CC2D1B: variants seen among roughly 807,000 people sequenced by gnomAD.
The protein encoded by CC2D1B is coiled-coil and C2 domain-containing protein 1B.
CC2D1B carries 92 observed loss-of-function variants against 110.8 expected under a neutral mutation model. The ratio of observed to expected loss-of-function variants is 0.83; its 90% confidence interval spans 0.70 to 0.99. The LOEUF (loss-of-function observed/expected upper bound fraction) is 0.99, where lower values mean the gene tolerates loss of function less well. CC2D1B is among the 50% of genes least tolerant of loss of function. The probability of loss-of-function intolerance (pLI) is 0.00; values close to 1 mark genes in which losing one functional copy is unlikely to be tolerated. For missense variants in CC2D1B, 1,136 were observed against 1,089.0 expected, an observed-to-expected ratio of 1.04 and a Z score of -0.61; for synonymous variants, 406 against 429.2, an observed-to-expected ratio of 0.95 and a Z score of 0.67.
intron 24 of CC2D1B, 56 bp from the exon 25 acceptor site, chr1:52,353,279 G>T: frequency 6.9e-7 from 1 of 1,449,864 alleles, no homozygotes; most frequent in Non-Finnish European, 9.2e-7. Flanking sequence ...AAAACACAAA[G>T]ATTTTAGAAA....
chr1:52,354,699 C>T lies in CC2D1B; in HGVS notation c.2340-1G>A, dbSNP rs1260871504. 6.2e-7 allele frequency: 1 copy of T among 1,614,128 alleles called. No individual in the cohort carries two copies. Among genetic ancestry groups the T allele is most frequent in the Non-Finnish European group, 8.5e-7 (1 of 1,179,996 alleles). ...CAGCTTGTCGCTTCTGAAGAAGGAC[C>T]TGGGGAGTCAAGAGGCAGCAGAGGA... On this transcript the variant is annotated splice_acceptor_variant, in intron 22 of 24. Transcript: ENST00000284376. LOFTEE classifies it high-confidence loss of function.
chr1:52,361,480 C>CAA (rs778311146), intron 4 of CC2D1B, 33 bp downstream of exon 4: 2 of 1,612,782 alleles, frequency 1.2e-6, no homozygotes, highest in African/African-American at 2.7e-5. Context: ...AAGCTTGCCT[C>CAA]AGAGCCCTGG....
Position 52,351,090 on chromosome 1 carries a change from G to C in CC2D1B, c.*2135C>G, listed in dbSNP as rs1646524306. 1 of 152,220 alleles carries C rather than the reference G, an allele frequency of 6.6e-6. No individual in the cohort carries two copies. 9.4% of individuals were successfully genotyped at this position (152,220 alleles called of 1,614,324 possible). The stretch of plus-strand genomic sequence containing the variant: ...AAATCTCAGGACAAGATGAAGCTGG[G>C]ACAGGCTCCTCCTACTACCAGTGAC... On this transcript the variant is annotated 3_prime_UTR_variant, in exon 25 of 25. Transcript: ENST00000284376.
chr1:52,361,040 G>C lies in CC2D1B; in HGVS notation c.411C>G (p.Asn137Lys), dbSNP rs374603345. 3.6e-5 allele frequency: 58 copies of C among 1,613,938 alleles called. No homozygotes were observed. Among genetic ancestry groups the C allele is most frequent in the Non-Finnish European group, 4.6e-5 (54 of 1,180,014 alleles). ...VADPGGSEEENGLEDTEPPVQ... is the reference protein window; with the variant it reads ...VADPGGSEEEKGLEDTEPPVQ... The stretch of plus-strand genomic sequence containing the variant: ...CTGGAGGTTCAGTGTCTTCTAGGCC[G>C]TTCTCCTCCTCAGAGCCGCCTGGGT... The change falls in exon 5 of 25, where the codon AAC (asparagine) becomes AAG (lysine). Residue 137 changes from asparagine to lysine, a missense_variant. Asn to Lys is a moderately conservative substitution (Grantham distance 94). Coordinates refer to ENST00000284376, the MANE Select transcript of CC2D1B (RefSeq NM_001330585.2).
chr1:52,356,957 G>A (rs1378422334), intron 16 of CC2D1B, 44 bp downstream of exon 16: 4 of 1,530,430 alleles, frequency 2.6e-6, no homozygotes, highest in Admixed American at 2.1e-5. Flanking sequence ...TCCACGGGGA[G>A]GCTGTGGGCA....
chr1:52,358,969 G>T, intron 11 of CC2D1B, 58 bp downstream of exon 11: 1 of 1,589,088 alleles, frequency 6.3e-7, no homozygotes. Context: ...CAGGGAGACA[G>T]AGCACCCAGC....
In CC2D1B at chr1:52,351,382, A is replaced by T. The variant is rs1646528096; in HGVS notation, c.*1843T>A. 6.6e-6 allele frequency: 1 copy of T among 152,056 alleles called. No individual in the cohort carries two copies. Among genetic ancestry groups the T allele is most frequent in the African/African-American group, 2.4e-5 (1 of 41,380 alleles). The allele number at this position is 152,056 out of a possible 1,614,324, so 9.4% of individuals were successfully genotyped here. A position where few individuals can be genotyped will look rare whatever the true frequency, so the allele number is the denominator to read the frequency against. ...TAGAGGATAACCACAGTGGTCCGTA[A>T]CCCTCTTAGGAAGCACTGGGTTGGA... On this transcript the variant is annotated 3_prime_UTR_variant, in exon 25 of 25. Transcript: ENST00000284376.
intron 21 of CC2D1B, 133 bp from the exon 22 acceptor site, chr1:52,355,072 G>A (rs1046635501): frequency 4.1e-6 from 3 of 736,404 alleles, no homozygotes; most frequent in Non-Finnish European, 7.2e-6. Flanking sequence ...TCCAAAGGGT[G>A]GTAGAGCATC....
intron 23 of CC2D1B, 30 bp downstream of exon 23, chr1:52,354,578 C>T: frequency 6.3e-7 from 1 of 1,586,890 alleles, no homozygotes; most frequent in Non-Finnish European, 8.7e-7. Context: ...CGTACCAACC[C>T]CTTTGGCTTG....
At position 52,354,634 on chromosome 1, in the gene CC2D1B, C is replaced by T. The variant is rs1192422127; in HGVS notation, c.2404G>A (p.Glu802Lys). 1.9e-6 allele frequency: 3 copies of T among 1,614,264 alleles called. No homozygotes were observed. Among genetic ancestry groups the T allele is most frequent in the Non-Finnish European group, 2.5e-6 (3 of 1,180,054 alleles). Residue 802 changes from glutamate (E) to lysine (K), a missense_variant, in exon 23 of 25, where the codon GAG (glutamate) becomes AAG (lysine). By Grantham distance (56) the Glu-to-Lys change is moderately conservative. Coordinates refer to ENST00000284376, the MANE Select transcript of CC2D1B (RefSeq NM_001330585.2). ...AHLKLERLEN[E>K]CEIREIVEVL... The stretch of plus-strand genomic sequence containing the variant: ...TCCACAATTTCTCTGATCTCACACT[C>T]ATTCTCCAGCCGCTCCAGTTTCAGG...
intron 4 of CC2D1B, 87 bp from the exon 5 acceptor site, chr1:52,361,219 A>T: frequency 6.7e-7 from 1 of 1,503,678 alleles, no homozygotes; most frequent in Non-Finnish European, 9.1e-7. Flanking sequence ...CCTCTCTCTC[A>T]GCAATATTCC....
At chr1:52,356,516 TCTC>T in intron 16 of CC2D1B, 74 bp from the exon 17 acceptor site, 4 of 1,519,774 alleles carry the variant, frequency 2.6e-6, no homozygotes, top group African/African-American at 1.4e-5. Context: ...AGGCTAGACT[TCTC>T]AAAGCTTCAA....
chr1:52,355,340 C>T, intron 21 of CC2D1B, 58 bp downstream of exon 21: 1 of 1,575,640 alleles, frequency 6.3e-7, no homozygotes, highest in Non-Finnish European at 8.7e-7. Flanking sequence ...ACTCTGGAAA[C>T]ACCAGTGCTG....
At chr1:52,356,048 TGTC>T (rs1646644558) in intron 18 of CC2D1B, 135 bp downstream of exon 18, 4 of 894,830 alleles carry the variant, frequency 4.5e-6, no homozygotes, top group Non-Finnish European at 7.3e-6. Context: ...GCATGCACCC[TGTC>T]GTCCTCAGCA....
intron 21 of CC2D1B, among the ~76,000 whole-genome samples, 191 bp downstream of exon 21, chr1:52,355,207 C>A (rs967294504): frequency 6.6e-6 from 1 of 152,224 alleles, no homozygotes; most frequent in Non-Finnish European, 1.5e-5. Context: ...CACTTCCTTG[C>A]CATGAGGCCC....
rs760336588 is a variant in CC2D1B at position 52,358,708 on chromosome 1, A to G, written c.1308T>C (p.Phe436=). 5 of 1,613,388 alleles carry G rather than the reference A, an allele frequency of 3.1e-6. No individual in the cohort carries two copies. The highest frequency in any genetic ancestry group is 2.2e-5 in the East Asian group (1 of 44,862). ...RAHRAGRKVN[F]AELPVPPGFP... ...TACCTGGAGGAACAGGCAATTCAGC[A>G]AAGTTGACTTTCCGTCCTGCTCGGT... Residue 436 remains phenylalanine, a synonymous_variant, in exon 12 of 25, where the codon TTT becomes TTC. Coordinates refer to ENST00000284376, the MANE Select transcript of CC2D1B (RefSeq NM_001330585.2).
rs1039190020 is a variant in CC2D1B at position 52,359,991 on chromosome 1, A to G, written c.763+83T>C. On this transcript the variant is annotated intron_variant, in intron 7 of 24. Transcript: ENST00000284376. ...CCTGGGGAGGATGTGACCAATGGTA[A>G]TGAACAGTGGTGGCAGGCTGGGGAC... 3.2e-6 allele frequency: 5 copies of G among 1,549,972 alleles called. No individual in the cohort carries two copies. In the African/African-American group the frequency reaches 4.1e-5, roughly 13 times the overall value.
intron 16 of CC2D1B, 57 bp from the exon 17 acceptor site, chr1:52,356,499 G>A (rs1005905134): frequency 1.0e-5 from 16 of 1,576,112 alleles, no homozygotes; most frequent in Non-Finnish European, 1.3e-5. Flanking sequence ...GCCTTGGTTG[G>A]CATTCAAGGC....
intron 2 of CC2D1B, among the ~76,000 whole-genome samples, chr1:52,363,970 G>A (rs755473017): frequency 2.0e-5 from 3 of 152,068 alleles, no homozygotes; most frequent in Admixed American, 6.5e-5. Flanking sequence ...CGTGATCCAC[G>A]GCACCCAGCT....
Sources: gnomAD v4.1 joint callset for allele counts (sites outside exome capture counted in the v4.1 genomes callset) on GRCh38, gnomAD v4.1.1 for gene constraint, MANE v1.5 for transcripts, NCBI Gene and HGNC (gene_info 2026-07-23, HGNC 2026-07-21) for gene names.